Variants in CDH18 observed in about 807,000 individuals in gnomAD.
CDH18 encodes the protein cadherin 18, also known as cadherin-18.
Under a neutral mutation model 67.9 loss-of-function variants are expected in CDH18, and 31 were observed. That is an observed-to-expected ratio of 0.46 (90% confidence interval 0.34 to 0.62). The LOEUF (loss-of-function observed/expected upper bound fraction) is 0.62, where lower values mean the gene tolerates loss of function less well. Among genes scored for constraint, CDH18 ranks in the 20% least tolerant of loss-of-function variants. The pLI is 0.01. For synonymous variants in CDH18, 362 were observed against 347.2 expected (o/e 1.04, Z -0.48); for missense variants, 890 against 975.5 (o/e 0.91, Z 1.17).
chr5:20,179,969 A>T (rs1298315960), intron 2 of CDH18, among the ~76,000 whole-genome samples: 1 of 151,972 alleles, frequency 6.6e-6, no homozygotes, highest in African/African-American at 2.4e-5. Flanking sequence ...GTGTAGGAAG[A>T]CCCCCTGAAA....
intron 2 of CDH18, among the ~76,000 whole-genome samples, chr5:19,907,881 C>A (rs1176229463): frequency 6.6e-6 from 1 of 151,988 alleles, no homozygotes; most frequent in Non-Finnish European, 1.5e-5. Context: ...CAATATTTAG[C>A]AGCAATATTT....
intron 3 of CDH18, among the ~76,000 whole-genome samples, chr5:19,760,214 G>A (rs1772153050): frequency 6.6e-6 from 1 of 152,096 alleles, no homozygotes; most frequent in African/African-American, 2.4e-5. Flanking sequence ...AATAACTGCA[G>A]TTCCCACCAT....
At position 20,557,999 on chromosome 5, in the gene CDH18, A is replaced by T. The variant is rs556333714; in HGVS notation, c.-580+17463T>A. ...AAATGTTATAGTTATATAACATTAAATGTTATAGTTATATAACATTAAATG... is the reference window on the plus strand; with the variant it reads ...AAATGTTATAGTTATATAACATTAATTGTTATAGTTATATAACATTAAATG... On this transcript the variant is annotated intron_variant, in intron 1 of 14. Transcript: ENST00000507958. Among the ~76,000 whole-genome samples, 26 of 138,706 alleles carry T rather than the reference A, an allele frequency of 1.9e-4. 2 individuals are homozygous for T. The highest frequency in any genetic ancestry group is 6.9e-4 in the African/African-American group (25 of 36,478). 91.0% of individuals were successfully genotyped at this position (138,706 alleles called of 152,430 possible).
intron 2 of CDH18, among the ~76,000 whole-genome samples, chr5:20,199,231 T>G: frequency 6.6e-6 from 1 of 152,182 alleles, no homozygotes; most frequent in East Asian, 1.9e-4. Flanking sequence ...ATGCCAGCCA[T>G]AAAAGCAGCT....
intron 2 of CDH18, among the ~76,000 whole-genome samples, chr5:20,086,394 G>GTA (rs1229071594): frequency 6.6e-6 from 1 of 152,204 alleles, no homozygotes; most frequent in Non-Finnish European, 1.5e-5. Flanking sequence ...TTATCTGGAA[G>GTA]GTCTAGCTGA....
chr5:20,358,731 C>T (rs956695246), intron 1 of CDH18, among the ~76,000 whole-genome samples: 2 of 151,976 alleles, frequency 1.3e-5, no homozygotes, highest in Non-Finnish European at 2.9e-5. Context: ...AAAATGGATG[C>T]AGCAGATGGC....
intron 4 of CDH18, among the ~76,000 whole-genome samples, chr5:19,724,388 GC>G (rs1392589577): frequency 6.6e-6 from 1 of 152,130 alleles, no homozygotes; most frequent in Non-Finnish European, 1.5e-5. Flanking sequence ...GTTTGGTATA[GC>G]AGGGAAGCAT....
At chr5:19,514,966 T>G (rs1291258263) in intron 10 of CDH18, among the ~76,000 whole-genome samples, 1 of 152,220 alleles carries the variant, frequency 6.6e-6, no homozygotes, top group African/African-American at 2.4e-5. Flanking sequence ...CTTCTAGGGT[T>G]TTTATGGTTT....
chr5:19,697,556 A>G (rs576105047), intron 5 of CDH18, among the ~76,000 whole-genome samples: 139 of 152,294 alleles, frequency 9.1e-4, no homozygotes, highest in African/African-American at 3.3e-3. Flanking sequence ...AACTCTGACT[A>G]TACTTTCTCA....
chr5:19,810,002 T>G (rs568013790), intron 3 of CDH18, among the ~76,000 whole-genome samples: 1 of 152,228 alleles, frequency 6.6e-6, no homozygotes, highest in South Asian at 2.1e-4. Context: ...CTGTTATTTA[T>G]GTGGTTTGGA....
intron 2 of CDH18, among the ~76,000 whole-genome samples, chr5:19,994,720 TATATATATATATATATATAGAG>T (rs1181714629): frequency 8.8e-5 from 2 of 22,698 alleles, no homozygotes; most frequent in African/African-American, 3.2e-4. Context: ...TATATATATA[TATATATATATATATATATAGAG>T]AGAGAGAGAG....
At chr5:20,133,399 A>G (rs1282286428) in intron 2 of CDH18, among the ~76,000 whole-genome samples, 1 of 152,122 alleles carries the variant, frequency 6.6e-6, no homozygotes, top group Non-Finnish European at 1.5e-5. Context: ...CTTATTCACT[A>G]TCACGAGAAC....
intron 2 of CDH18, among the ~76,000 whole-genome samples, chr5:20,000,139 G>A (rs1736332547): frequency 6.6e-6 from 1 of 152,096 alleles, no homozygotes; most frequent in South Asian, 2.1e-4. Context: ...TAAGTTGTGG[G>A]AACAGATGAA....
At chr5:19,663,569 A>AATCT (rs1378036888) in intron 5 of CDH18, among the ~76,000 whole-genome samples, 7 of 151,930 alleles carry the variant, frequency 4.6e-5, no homozygotes, top group Non-Finnish European at 7.4e-5. Context: ...CCTGAGAGAT[A>AATCT]ATCTCTGAAG....
chr5:20,014,347 A>C (rs1737705677), intron 2 of CDH18, among the ~76,000 whole-genome samples: 1 of 152,106 alleles, frequency 6.6e-6, no homozygotes, highest in Non-Finnish European at 1.5e-5. Context: ...TATTACTGTG[A>C]TGGGATAAAG....
At chr5:20,237,748 G>A (rs1185310471) in intron 2 of CDH18, among the ~76,000 whole-genome samples, 1 of 151,952 alleles carries the variant, frequency 6.6e-6, no homozygotes, top group East Asian at 1.9e-4. Context: ...TTCATCTACA[G>A]ATGCAACACA....
At chr5:19,955,738 G>A (rs1017492249) in intron 2 of CDH18, among the ~76,000 whole-genome samples, 7 of 151,946 alleles carry the variant, frequency 4.6e-5, no homozygotes, top group African/African-American at 1.7e-4. Context: ...GAAAAGTTAA[G>A]AATGAACAGA....
chr5:19,954,823 G>A (rs1796102974), intron 2 of CDH18, among the ~76,000 whole-genome samples: 1 of 150,776 alleles, frequency 6.6e-6, no homozygotes, highest in Admixed American at 6.6e-5. Flanking sequence ...CAAACAAGAA[G>A]CACCTGTTAT....
At chr5:20,211,138 A>G (rs1383458805) in intron 2 of CDH18, among the ~76,000 whole-genome samples, 1 of 152,154 alleles carries the variant, frequency 6.6e-6, no homozygotes, top group Non-Finnish European at 1.5e-5. Context: ...TGTTTATAAT[A>G]TACTATATCC....
Sources: gnomAD v4.1 joint callset for allele counts (sites outside exome capture counted in the v4.1 genomes callset) on GRCh38, gnomAD v4.1.1 for gene constraint, MANE v1.5 for transcripts, NCBI Gene and HGNC (gene_info 2026-07-23, HGNC 2026-07-21) for gene names.